The following KIF1A variants were observed in gnomAD, a reference collection of about 807,000 sequenced individuals.
KIF1A encodes the protein kinesin family member 1A.
In KIF1A, 46 loss-of-function variants were observed where a neutral mutation model predicts 227.3. The observed-to-expected ratio is 0.20, with a 90% CI of 0.16 to 0.26. KIF1A has a LOEUF of 0.26. Ranked by LOEUF, KIF1A falls within the 10% of genes least tolerant of loss-of-function variation. KIF1A has a pLI of 1.00. For missense variants in KIF1A, 1,683 were observed against 2,485.9 expected, an observed-to-expected ratio of 0.68 and a Z score of 6.87; for synonymous variants, 1,022 against 1,012.8, an observed-to-expected ratio of 1.01 and a Z score of -0.17.
chr2:240,818,064 G>T (rs1040418218), intron 1 of KIF1A, among the ~76,000 whole-genome samples: 5 of 152,152 alleles, frequency 3.3e-5, no homozygotes, highest in Non-Finnish European at 7.4e-5. Flanking sequence ...GAGGCACCCA[G>T]GGGGGCAGCA....
At position 240,787,332 on chromosome 2, in the gene KIF1A, G is replaced by T. The variant is rs888143243; in HGVS notation, c.364-16C>A. 4.3e-6 allele frequency: 7 copies of T among 1,611,762 alleles called. No individual in the cohort carries two copies. The highest frequency in any genetic ancestry group is 1.1e-5 in the South Asian group (1 of 91,056). On this transcript the variant is annotated splice_polypyrimidine_tract_variant and intron_variant, in intron 4 of 48. Coordinates refer to ENST00000498729, the MANE Select transcript of KIF1A (RefSeq NM_001244008.2). The stretch of plus-strand genomic sequence containing the variant: ...CCTCGCAGAGCTGCAGGAATGGGGG[G>T]ACAGTCAGCCAGGGAGGGCTGGGGC...
intron 1 of KIF1A, among the ~76,000 whole-genome samples, chr2:240,814,859 G>C (rs2058202330): frequency 1.3e-5 from 2 of 152,212 alleles, no homozygotes; most frequent in Non-Finnish European, 2.9e-5. Context: ...TGAGGCTGTG[G>C]TGAGCTGTGA....
chr2:240,776,322 A>G (rs905339810), intron 10 of KIF1A, among the ~76,000 whole-genome samples: 10 of 152,192 alleles, frequency 6.6e-5, no homozygotes, highest in Non-Finnish European at 1.0e-4. Context: ...CTCCTGACCC[A>G]AGGGAAAAGG....
intron 38 of KIF1A, among the ~76,000 whole-genome samples, chr2:240,733,804 T>A (rs2047018816): frequency 6.6e-6 from 1 of 152,196 alleles, no homozygotes; most frequent in East Asian, 1.9e-4. Flanking sequence ...CTCAGTTCAC[T>A]TCACAAACGC....
chr2:240,726,063 C>T lies in KIF1A; in HGVS notation c.4123-659G>A, dbSNP rs2045967939. 6.6e-6 allele frequency: 1 copy of T among 152,356 alleles called. No homozygotes were observed. Among genetic ancestry groups the T allele is most frequent in the Non-Finnish European group, 1.5e-5 (1 of 68,124 alleles). The allele number at this position is 152,356 out of a possible 1,614,324, so 9.4% of individuals were successfully genotyped here. ...GCCCCTGCCCACTGCTCCCCACCCT[C>T]CCTCTCCCTCACTACTATGACCAGC... is the stretch of plus-strand genomic sequence containing the variant. On this transcript the variant is annotated intron_variant, in intron 39 of 48. Transcript: ENST00000498729. The surrounding 1 kb of genome is among the most constrained non-coding windows in gnomAD (Gnocchi z 5.2).
intron 2 of KIF1A, among the ~76,000 whole-genome samples, chr2:240,796,057 C>T (rs1214213309): frequency 6.6e-6 from 1 of 152,192 alleles, no homozygotes; most frequent in Non-Finnish European, 1.5e-5. Flanking sequence ...TCCTGGGTCA[C>T]CTTACAATGA....
At chr2:240,771,199 G>A (rs746872755) in intron 14 of KIF1A, 95 bp from the exon 15 acceptor site, 1 of 1,498,502 alleles carries the variant, frequency 6.7e-7, no homozygotes, top group Admixed American at 1.8e-5. Flanking sequence ...GGAGGGGTAG[G>A]GCGGGCAGAC....
Position 240,722,478 on chromosome 2 carries a change from C to A in KIF1A, c.4643G>T (p.Arg1548Met). ...CACCTTGACGGCCAGCTCCCGCTGC[C>A]TCTCGTTGGGAGCCTCCAGGGGTGA... ...RPSPLEAPNE[R>M]QRELAVKCLR... The change falls in exon 43 of 49, where the codon AGG (arginine) becomes ATG (methionine). Residue 1548 changes from arginine (R) to methionine (M), a missense_variant. Arg to Met is a moderately conservative substitution (Grantham distance 91). This residue lies in a region of KIF1A where 384 missense variants were observed against 410.1 expected (regional missense o/e 0.94). Coordinates refer to ENST00000498729, the MANE Select transcript of KIF1A (RefSeq NM_001244008.2). The A allele has an allele frequency of 6.5e-7, 1 of 1,547,228 alleles. No homozygotes were observed. Among genetic ancestry groups the A allele is most frequent in the South Asian group, 1.2e-5 (1 of 83,958 alleles).
intron 17 of KIF1A, among the ~76,000 whole-genome samples, chr2:240,768,509 T>C (rs555099878): frequency 3.9e-5 from 6 of 152,022 alleles, no homozygotes; most frequent in African/African-American, 1.2e-4. Flanking sequence ...TGTGTGGGGG[T>C]TGGGGACTAG....
At position 240,739,947 on chromosome 2, in the gene KIF1A, C is replaced by T. The variant is rs1369561710; in HGVS notation, c.3901+111G>A. ...AGATTATGTGACCCGGCCAGGGTCA[C>T]GCAGCAACAGACGCAGAGGTGTGGT... On this transcript the variant is annotated intron_variant, in intron 37 of 48. Transcript: ENST00000498729. The surrounding 1 kb of genome is among the most constrained non-coding windows in gnomAD (Gnocchi z 5.6). 8 of 785,238 alleles carry T rather than the reference C, an allele frequency of 1.0e-5. No individual in the cohort carries two copies. Among genetic ancestry groups the T allele is most frequent in the Middle Eastern group, 6.5e-4 (2 of 3,082 alleles). The allele number at this position is 785,238 out of a possible 1,614,324, so 48.6% of individuals were successfully genotyped here.
Position 240,719,887 on chromosome 2 carries a change from G to T in KIF1A, c.4908C>A (p.Pro1636=). Residue 1636 remains proline, a synonymous_variant, in exon 46 of 49, where the codon CCC becomes CCA. Transcript: ENST00000498729. ...TGGAGTCGGCCTCTGGCAGCAGCTC[G>T]GGCTCTGGGCTGGCTGGCCGGGAGC... is the stretch of plus-strand genomic sequence containing the variant. ...QPCSRPASPE[P]ELLPEADSKK... 2 of 1,611,622 alleles carry T rather than the reference G, an allele frequency of 1.2e-6. No individual in the cohort carries two copies. The highest frequency in any genetic ancestry group is 1.7e-6 in the Non-Finnish European group (2 of 1,179,442).
intron 7 of KIF1A, among the ~76,000 whole-genome samples, 161 bp downstream of exon 7, chr2:240,784,828 C>T (rs1460397882): frequency 4.0e-5 from 6 of 148,708 alleles, no homozygotes; most frequent in Non-Finnish European, 7.4e-5. Context: ...GGGGGGGGGA[C>T]GTCCACACCT....
intron 1 of KIF1A, among the ~76,000 whole-genome samples, chr2:240,800,563 A>G (rs1181449189): frequency 6.6e-6 from 1 of 152,212 alleles, no homozygotes; most frequent in African/African-American, 2.4e-5. Context: ...CCAGACAGAG[A>G]GCCGTTGCTG....
In KIF1A at chr2:240,720,984, C is replaced by A. The variant is rs754280916; in HGVS notation, c.4798G>T (p.Val1600Leu). 4 of 1,608,702 alleles carry A rather than the reference C, an allele frequency of 2.5e-6. No individual in the cohort carries two copies. The highest frequency in any genetic ancestry group is 1.7e-6 in the Non-Finnish European group (2 of 1,178,314). Residue 1600 changes from valine (V) to leucine (L), a missense_variant, in exon 45 of 49, where the codon GTG (valine) becomes TTG (leucine). Coordinates refer to ENST00000498729, the MANE Select transcript of KIF1A (RefSeq NM_001244008.2). ...LRDPSMSPLG[V>L]ATLTPSSTCP... is the part of the protein sequence containing the mutation. ...GTGGAGGAGGGGGTGAGAGTGGCCA[C>A]CCCTAGAGGGGACATCGACGGGTCC...
intron 1 of KIF1A, among the ~76,000 whole-genome samples, chr2:240,801,391 A>T (rs1034329866): frequency 6.6e-6 from 1 of 152,234 alleles, no homozygotes; most frequent in Non-Finnish European, 1.5e-5. Flanking sequence ...GACACAGTTG[A>T]AGACAGTGTT....
intron 1 of KIF1A, chr2:240,798,073 G>C (rs754934551): frequency 7.8e-6 from 2 of 255,160 alleles, no homozygotes; most frequent in Non-Finnish European, 7.5e-6. Flanking sequence ...AGCGACCTGG[G>C]TGTGAACGTG....
chr2:240,778,066 C>T lies in KIF1A; in HGVS notation c.883-2140G>A, dbSNP rs1175642472. Among the ~76,000 whole-genome samples, 2 of 152,136 alleles carry T rather than the reference C, an allele frequency of 1.3e-5. No homozygotes were observed. Among genetic ancestry groups the T allele is most frequent in the Non-Finnish European group, 2.9e-5 (2 of 68,016 alleles). ...CCACACAGTTCCTCAGCTCCTCCCG[C>T]TCCCCACGCACTTCCTCGCGTTTCT... On this transcript the variant is annotated intron_variant, in intron 10 of 48. Coordinates refer to ENST00000498729, the MANE Select transcript of KIF1A (RefSeq NM_001244008.2). This position sits in a 1 kb window ranked among gnomAD's most constrained non-coding sequence, Gnocchi z 7.2.
chr2:240,770,345 T>C (rs1290924732), intron 15 of KIF1A, among the ~76,000 whole-genome samples: 1 of 151,938 alleles, frequency 6.6e-6, no homozygotes, highest in Non-Finnish European at 1.5e-5. Context: ...TGGGAGGTGG[T>C]GACTATTCCC....
In KIF1A at chr2:240,774,165, T is replaced by C. The variant is rs370864805; in HGVS notation, c.1037+18A>G. On this transcript the variant is annotated intron_variant, in intron 12 of 48. Transcript: ENST00000498729. Reference sequence around the variant, plus strand: ...ACCAGGGAGCGGGAAGCAGAGCTTGTCTCCCTGGAGAACTCACCTCAGCGT... The same window carrying C: ...ACCAGGGAGCGGGAAGCAGAGCTTGCCTCCCTGGAGAACTCACCTCAGCGT... 9.2e-6 allele frequency: 14 copies of C among 1,522,648 alleles called. No individual in the cohort carries two copies. Among genetic ancestry groups the C allele is most frequent in the Non-Finnish European group, 1.3e-5 (14 of 1,106,384 alleles). 94.3% of individuals were successfully genotyped at this position (1,522,648 alleles called of 1,614,324 possible). A position where few individuals can be genotyped will look rare whatever the true frequency, so the allele number is the denominator to read the frequency against.
Sources: allele counts gnomAD v4.1 joint callset (sites outside exome capture counted in the v4.1 genomes callset), GRCh38; gene constraint gnomAD v4.1.1; regional missense constraint gnomAD v4.1.1; non-coding constraint Gnocchi (gnomAD v3.1); transcripts MANE v1.5; gene names NCBI Gene and HGNC (gene_info 2026-07-23, HGNC 2026-07-21).